PALS1: variants seen among roughly 807,000 people sequenced by gnomAD.
PALS1 encodes protein associated with LIN7 1, MAGUK p55 family member.
In PALS1, 31 loss-of-function variants were observed where a neutral mutation model predicts 78.9. The ratio of observed to expected loss-of-function variants is 0.39; its 90% CI spans 0.30 to 0.53. The LOEUF (loss-of-function observed/expected upper bound fraction) is 0.53. PALS1 is among the 20% of genes least tolerant of loss of function. PALS1 has a pLI of 0.67. For synonymous variants in PALS1, 276 were observed against 270.9 expected (o/e 1.02, Z -0.18); for missense variants, 704 against 826.5 (o/e 0.85, Z 1.82).
intron 3 of PALS1, among the ~76,000 whole-genome samples, chr14:67,290,770 A>G (rs990618859): frequency 2.6e-5 from 4 of 152,066 alleles, no homozygotes; most frequent in African/African-American, 9.7e-5. Context: ...CCTGGACTCA[A>G]GCAGTCCACC....
chr14:67,249,468 T>C (rs983228285), intron 1 of PALS1, among the ~76,000 whole-genome samples: 3 of 152,216 alleles, frequency 2.0e-5, no homozygotes, highest in African/African-American at 7.2e-5. Flanking sequence ...ATCTGACACA[T>C]AGCAGATACT....
chr14:67,279,891 TA>T (rs1567517775), intron 3 of PALS1: 1 of 213,364 alleles, frequency 4.7e-6, no homozygotes, highest in African/African-American at 2.3e-5. Context: ...CTGATTTCCT[TA>T]AAGTTTTGTA....
intron 3 of PALS1, among the ~76,000 whole-genome samples, chr14:67,283,275 G>C (rs1055611751): frequency 6.6e-6 from 1 of 152,126 alleles, no homozygotes; most frequent in Admixed American, 6.6e-5. Flanking sequence ...TTTTTTGTCA[G>C]ATGTCTCTGG....
intron 4 of PALS1, among the ~76,000 whole-genome samples, chr14:67,300,096 T>C (rs1356615973): frequency 6.6e-6 from 1 of 152,148 alleles, no homozygotes; most frequent in East Asian, 1.9e-4. Context: ...GAAGATAATA[T>C]TTGCTGTGCC....
At chr14:67,247,127 C>A (rs1028036657) in intron 1 of PALS1, among the ~76,000 whole-genome samples, 2 of 152,162 alleles carry the variant, frequency 1.3e-5, no homozygotes, top group Admixed American at 6.5e-5. Context: ...ATTTAGAGAT[C>A]AACCTGAAGA....
chr14:67,313,577 G>A (rs908350793), intron 9 of PALS1, among the ~76,000 whole-genome samples: 1 of 152,166 alleles, frequency 6.6e-6, no homozygotes, highest in Admixed American at 6.5e-5. Flanking sequence ...ACTAAGGGAA[G>A]TTTAATAAGC....
intron 7 of PALS1, 123 bp from the exon 8 acceptor site, chr14:67,303,399 G>A: frequency 1.4e-6 from 1 of 695,534 alleles, no homozygotes; most frequent in Non-Finnish European, 2.5e-6. Flanking sequence ...GCAAAGTGCT[G>A]CTGGTCATTT....
chr14:67,250,597 C>T (rs2084050760), intron 1 of PALS1, among the ~76,000 whole-genome samples: 1 of 152,180 alleles, frequency 6.6e-6, no homozygotes, highest in Non-Finnish European at 1.5e-5. Context: ...GAAACACACA[C>T]ACTGTTCATA....
At chr14:67,244,006 A>G (rs548734139) in intron 1 of PALS1, among the ~76,000 whole-genome samples, 1 of 152,328 alleles carries the variant, frequency 6.6e-6, no homozygotes, top group South Asian at 2.1e-4. Context: ...AAGTCTCCAT[A>G]TTCTAAATTC....
At chr14:67,323,295 C>G (rs1389336732) in intron 13 of PALS1, among the ~76,000 whole-genome samples, 1 of 146,572 alleles carries the variant, frequency 6.8e-6, no homozygotes, top group Non-Finnish European at 1.5e-5. Flanking sequence ...TATATTCTTA[C>G]AGTGAATGGT....
At chr14:67,331,693 CAA>C (rs1184087649) in intron 14 of PALS1, among the ~76,000 whole-genome samples, 2 of 152,126 alleles carry the variant, frequency 1.3e-5, no homozygotes, top group African/African-American at 4.8e-5. Flanking sequence ...AATGGAATAA[CAA>C]TGCCTTAAAT....
chr14:67,322,339 CTCTG>C (rs1483719538), intron 13 of PALS1, among the ~76,000 whole-genome samples: 5 of 152,198 alleles, frequency 3.3e-5, no homozygotes, highest in Non-Finnish European at 7.4e-5. Flanking sequence ...CAGAGTGAGA[CTCTG>C]TCTGAAAAAC....
exon 15 of PALS1, chr14:67,336,050 GACAACGCAAGGCTGTGAACTTGAA>G (rs2141083331): frequency 6.6e-6 from 1 of 152,382 alleles, no homozygotes; most frequent in East Asian, 1.9e-4. Flanking sequence ...ATTAAAGATG[GACAACGCAAGGCTGTGAACTTGAA>G]AGTTTTCTGG....
At chr14:67,317,580 T>C (rs1162506733) in intron 11 of PALS1, 101 bp downstream of exon 11, 1 of 708,222 alleles carries the variant, frequency 1.4e-6, no homozygotes. Context: ...GAGAAAATCA[T>C]TTAGTAGAAA....
chr14:67,254,028 C>CCG (rs2084105324), intron 1 of PALS1, among the ~76,000 whole-genome samples: 1 of 134,300 alleles, frequency 7.4e-6, no homozygotes, highest in Non-Finnish European at 1.5e-5. Context: ...ATATTCATCC[C>CCG]CCCCCCCTTA....
At chr14:67,281,192 C>T (rs1282536768) in intron 3 of PALS1, among the ~76,000 whole-genome samples, 3 of 151,620 alleles carry the variant, frequency 2.0e-5, no homozygotes, top group South Asian at 2.1e-4. Flanking sequence ...CCACTGTGCC[C>T]GTCTCAAGTC....
At chr14:67,287,921 C>G (rs764093867) in intron 3 of PALS1, among the ~76,000 whole-genome samples, 14 of 152,166 alleles carry the variant, frequency 9.2e-5, no homozygotes, top group Non-Finnish European at 1.0e-4. Context: ...TATACAGAAA[C>G]TCCTTGGCCT....
At chr14:67,293,882 G>A (rs997333270) in intron 4 of PALS1, among the ~76,000 whole-genome samples, 2 of 152,144 alleles carry the variant, frequency 1.3e-5, no homozygotes, top group African/African-American at 4.8e-5. Context: ...ACAACAATGG[G>A]TGAAGAAGAG....
rs907247565 is a variant in PALS1, at chr14:67,333,693, T to A, written c.*737T>A. ...TTTTTTAAATTATGATTTCCTGAAT[T>A]TTTTTCTTAAGTCGTCTCAACTGAT... On this transcript the variant is annotated 3_prime_UTR_variant, in exon 15 of 15. Transcript: ENST00000261681. 3 of 152,572 alleles carry A rather than the reference T, an allele frequency of 2.0e-5. No homozygotes were observed. The highest frequency in any genetic ancestry group is 2.9e-5 in the Non-Finnish European group (2 of 68,030). The allele number at this position is 152,572 out of a possible 1,614,324, so 9.5% of individuals were successfully genotyped here.
Sources: allele counts gnomAD v4.1 joint callset (sites outside exome capture counted in the v4.1 genomes callset), GRCh38; gene constraint gnomAD v4.1.1; transcripts MANE v1.5; gene names NCBI Gene and HGNC (gene_info 2026-07-23, HGNC 2026-07-21).